RSPO2: variants seen among roughly 807,000 people sequenced by gnomAD.
RSPO2 encodes R-spondin-2.
Under a neutral mutation model 30.9 loss-of-function variants are expected in RSPO2, and 14 were observed. That is an observed-to-expected ratio of 0.45 (90% confidence interval 0.30 to 0.71). The LOEUF (loss-of-function observed/expected upper bound fraction) is 0.71, where lower values mean the gene tolerates loss of function less well. RSPO2 is among the 30% of genes least tolerant of loss of function. RSPO2 has a pLI of 0.08. For synonymous variants in RSPO2, 107 were observed against 96.4 expected, an observed-to-expected ratio of 1.11 and a Z score of -0.64; for missense variants, 264 against 301.9, an observed-to-expected ratio of 0.87 and a Z score of 0.93.
chr8:107,946,304 G>A (rs953082132), intron 5 of RSPO2, among the ~76,000 whole-genome samples: 4 of 152,198 alleles, frequency 2.6e-5, no homozygotes, highest in Non-Finnish European at 2.9e-5. Context: ...GCAAATCTTC[G>A]ACTTCCAATC....
chr8:108,016,950 C>T (rs569318696), intron 2 of RSPO2, among the ~76,000 whole-genome samples: 3 of 152,088 alleles, frequency 2.0e-5, no homozygotes, highest in South Asian at 2.1e-4. Flanking sequence ...TACAAAACCA[C>T]GAGCCAATTA....
chr8:107,975,778 G>T (rs1586593353), intron 3 of RSPO2, among the ~76,000 whole-genome samples: 1 of 152,182 alleles, frequency 6.6e-6, no homozygotes, highest in African/African-American at 2.4e-5. Context: ...ATTGACAATT[G>T]TGAGATTTTC....
At chr8:108,046,414 A>G (rs1811910226) in intron 2 of RSPO2, among the ~76,000 whole-genome samples, 1 of 152,188 alleles carries the variant, frequency 6.6e-6, no homozygotes, top group Non-Finnish European at 1.5e-5. Context: ...TAGAAAGAAA[A>G]TTATGTATTC....
intron 2 of RSPO2, among the ~76,000 whole-genome samples, chr8:108,010,445 T>C (rs1479932558): frequency 2.6e-5 from 4 of 152,132 alleles, no homozygotes; most frequent in African/African-American, 4.8e-5. Flanking sequence ...GACATGGTAG[T>C]AAGATGTTCA....
chr8:108,004,830 T>C (rs1815397902), intron 2 of RSPO2, among the ~76,000 whole-genome samples: 1 of 152,218 alleles, frequency 6.6e-6, no homozygotes, highest in Non-Finnish European at 1.5e-5. Flanking sequence ...GTAATCAGTA[T>C]GTATTTCCAA....
intron 5 of RSPO2, among the ~76,000 whole-genome samples, chr8:107,905,190 G>T (rs1019765308): frequency 6.6e-6 from 1 of 152,042 alleles, no homozygotes; most frequent in Non-Finnish European, 1.5e-5. Context: ...CTGGGTATAG[G>T]TAAGAATCTT....
chr8:108,067,566 T>G (rs1178999750), intron 2 of RSPO2, among the ~76,000 whole-genome samples: 4 of 152,090 alleles, frequency 2.6e-5, no homozygotes, highest in African/African-American at 7.2e-5. Flanking sequence ...TTTCAAAAAT[T>G]TCACAATAGC....
At chr8:108,042,012 G>C (rs1407031245) in intron 2 of RSPO2, among the ~76,000 whole-genome samples, 1 of 152,144 alleles carries the variant, frequency 6.6e-6, no homozygotes, top group African/African-American at 2.4e-5. Flanking sequence ...AGGACCTGTA[G>C]TTACAACAAG....
chr8:107,913,795 G>C (rs1037109834), intron 5 of RSPO2, among the ~76,000 whole-genome samples: 7 of 152,006 alleles, frequency 4.6e-5, no homozygotes, highest in Non-Finnish European at 1.0e-4. Context: ...CTACTCTCCA[G>C]AAAAAGTATA....
intron 2 of RSPO2, among the ~76,000 whole-genome samples, chr8:107,994,916 A>C (rs1814962573): frequency 6.6e-6 from 1 of 151,510 alleles, no homozygotes. Flanking sequence ...TTTAATGGCC[A>C]TTATATTTAT....
intron 2 of RSPO2, among the ~76,000 whole-genome samples, chr8:108,052,823 A>G (rs2130682638): frequency 6.6e-6 from 1 of 152,128 alleles, no homozygotes; most frequent in Admixed American, 6.5e-5. Flanking sequence ...TTTTTAAATC[A>G]GTGTGAACAT....
chr8:107,944,773 CA>C (rs370787155), intron 5 of RSPO2, among the ~76,000 whole-genome samples: 27 of 152,108 alleles, frequency 1.8e-4, no homozygotes, highest in African/African-American at 6.5e-4. Flanking sequence ...GGAAGGGATG[CA>C]AATGAGTGCA....
intron 5 of RSPO2, among the ~76,000 whole-genome samples, chr8:107,912,481 G>C (rs1046897902): frequency 6.6e-6 from 1 of 152,116 alleles, no homozygotes; most frequent in Admixed American, 6.5e-5. Flanking sequence ...CCCAGGGGTA[G>C]GGCCCTTATC....
chr8:108,067,975 G>T (rs952008167), intron 2 of RSPO2, among the ~76,000 whole-genome samples: 1 of 151,988 alleles, frequency 6.6e-6, no homozygotes, highest in Non-Finnish European at 1.5e-5. Context: ...AGGCTGAGGC[G>T]GGAGAATCAC....
chr8:107,944,499 T>C (rs921347463), intron 5 of RSPO2, among the ~76,000 whole-genome samples: 41 of 152,182 alleles, frequency 2.7e-4, no homozygotes, highest in African/African-American at 8.9e-4. Flanking sequence ...AGTTTCATAC[T>C]GGTCTTTTGA....
rs1219424890 is a variant in RSPO2, at chr8:107,942,294, A to G, written c.616+15786T>C. Among the ~76,000 whole-genome samples, 3 of 152,310 alleles carry G rather than the reference A, an allele frequency of 2.0e-5. No individual in the cohort carries two copies. The East Asian group carries it at 5.8e-4, about 29-fold the overall frequency. Reference sequence around the variant, plus strand: ...AGTAAAATGTACTGGCTGAACACCTAAATATCTTATTTCAGCCCATGTTAA... The same window carrying G: ...AGTAAAATGTACTGGCTGAACACCTGAATATCTTATTTCAGCCCATGTTAA... On this transcript the variant is annotated intron_variant, in intron 5 of 5. Transcript: ENST00000276659.
chr8:107,931,623 G>C (rs1471125868), intron 5 of RSPO2, among the ~76,000 whole-genome samples: 1 of 152,166 alleles, frequency 6.6e-6, no homozygotes, highest in South Asian at 2.1e-4. Context: ...ACCAACGGAT[G>C]TAAGTTTCAG....
rs575854085 is a variant in RSPO2 at position 107,911,132 on chromosome 8, C to T, written c.617-9942G>A. 5.3e-5 allele frequency among the ~76,000 whole-genome samples: 8 copies of T among 152,306 alleles called. No individual in the cohort carries two copies. In the East Asian group the frequency reaches 1.5e-3, roughly 29 times the overall value. On this transcript the variant is annotated intron_variant, in intron 5 of 5. Coordinates refer to ENST00000276659, the MANE Select transcript of RSPO2 (RefSeq NM_178565.5). Reference sequence around the variant, plus strand: ...GCTCCCCCACGGCTTCTGGCCTCAACTTCAGCTTTGTACATGGTCTATGTA... The same window carrying T: ...GCTCCCCCACGGCTTCTGGCCTCAATTTCAGCTTTGTACATGGTCTATGTA...
chr8:107,962,391 G>C (rs1813656700), intron 3 of RSPO2, among the ~76,000 whole-genome samples: 1 of 152,172 alleles, frequency 6.6e-6, no homozygotes, highest in African/African-American at 2.4e-5. Flanking sequence ...AGGCTTCTTT[G>C]TATTAAATGA....
Sources: gnomAD v4.1 joint callset for allele counts (sites outside exome capture counted in the v4.1 genomes callset) on GRCh38, gnomAD v4.1.1 for gene constraint, MANE v1.5 for transcripts, NCBI Gene and HGNC (gene_info 2026-07-23, HGNC 2026-07-21) for gene names.